TSGA10: variants seen among roughly 807,000 people sequenced by gnomAD.
The protein encoded by TSGA10 is testis specific 10, also known as testis-specific gene 10 protein.
TSGA10 carries 43 observed loss-of-function variants against 96.6 expected under a neutral mutation model. That is an observed-to-expected ratio of 0.44 (90% confidence interval 0.35 to 0.57). The LOEUF (loss-of-function observed/expected upper bound fraction) is 0.57. Among genes scored for constraint, TSGA10 ranks in the 20% least tolerant of loss-of-function variants. TSGA10 has a pLI of 0.01. For missense variants in TSGA10, 703 were observed against 834.4 expected, an observed-to-expected ratio of 0.84 and a Z score of 1.94; for synonymous variants, 229 against 269.9, an observed-to-expected ratio of 0.85 and a Z score of 1.48.
At chr2:99,067,936 T>C (rs982867126) in intron 15 of TSGA10, among the ~76,000 whole-genome samples, 3 of 152,202 alleles carry the variant, frequency 2.0e-5, no homozygotes, top group Admixed American at 2.0e-4. Flanking sequence ...CTAGGTGTTT[T>C]AAATTATCTC....
chr2:99,005,874 G>T (rs1322504693), intron 20 of TSGA10, among the ~76,000 whole-genome samples: 2 of 152,078 alleles, frequency 1.3e-5, no homozygotes, highest in African/African-American at 4.8e-5. Flanking sequence ...GAGGCATCAC[G>T]TTACCTGACT....
intron 10 of TSGA10, among the ~76,000 whole-genome samples, chr2:99,094,082 C>A (rs530454430): frequency 2.6e-5 from 4 of 152,188 alleles, no homozygotes; most frequent in Non-Finnish European, 5.9e-5. Flanking sequence ...AGAATAAGAA[C>A]GCAGAAATAA....
chr2:99,152,317 C>T (rs989176166), intron 1 of TSGA10, among the ~76,000 whole-genome samples: 4 of 152,150 alleles, frequency 2.6e-5, no homozygotes, highest in African/African-American at 4.8e-5. Flanking sequence ...AAGATGGTCT[C>T]ACTCTGTTGC....
intron 16 of TSGA10, among the ~76,000 whole-genome samples, chr2:99,055,932 G>A (rs1371526857): frequency 1.3e-5 from 2 of 151,664 alleles, no homozygotes; most frequent in East Asian, 1.9e-4. Flanking sequence ...GGCCAGGCGC[G>A]GTGGCTCACG....
chr2:99,017,757 T>C (rs1038291725), intron 20 of TSGA10, among the ~76,000 whole-genome samples: 2 of 137,844 alleles, frequency 1.5e-5, no homozygotes, highest in South Asian at 2.3e-4. Flanking sequence ...AGAGAGAGAC[T>C]CCGTCTCAAA....
chr2:99,024,325 T>A (rs2080340015), intron 17 of TSGA10, among the ~76,000 whole-genome samples: 1 of 152,050 alleles, frequency 6.6e-6, no homozygotes, highest in Non-Finnish European at 1.5e-5. Flanking sequence ...CCTGACCTCA[T>A]GATCTGCCCA....
chr2:98,998,281 A>C, intron 20 of TSGA10, 60 bp from the exon 21 acceptor site: 2 of 1,418,872 alleles, frequency 1.4e-6, no homozygotes, highest in East Asian at 4.6e-5. Flanking sequence ...AACATGTGTA[A>C]CAAATTTATT....
At chr2:99,111,197 A>T (rs1287991467) in intron 4 of TSGA10, among the ~76,000 whole-genome samples, 3 of 152,142 alleles carry the variant, frequency 2.0e-5, no homozygotes, top group Non-Finnish European at 4.4e-5. Context: ...AAATGTTAGT[A>T]CTAATTACAA....
intron 17 of TSGA10, among the ~76,000 whole-genome samples, chr2:99,024,884 C>G (rs1202108015): frequency 6.6e-6 from 1 of 152,152 alleles, no homozygotes; most frequent in African/African-American, 2.4e-5. Context: ...TTTTCTGCAT[C>G]CATTGAGAAG....
chr2:99,125,205 C>G, intron 2 of TSGA10: 1 of 152,142 alleles, frequency 6.6e-6, no homozygotes, highest in East Asian at 1.9e-4. Context: ...CTACGTAGCT[C>G]ATTTTTAAAA....
At chr2:99,038,382 T>C (rs1266758962) in intron 16 of TSGA10, among the ~76,000 whole-genome samples, 2 of 152,116 alleles carry the variant, frequency 1.3e-5, no homozygotes, top group Non-Finnish European at 2.9e-5. Context: ...AAGAATACAC[T>C]AAATAAGTAT....
chr2:99,013,455 C>T (rs1284429326), intron 20 of TSGA10, among the ~76,000 whole-genome samples: 1 of 151,994 alleles, frequency 6.6e-6, no homozygotes, highest in East Asian at 2.0e-4. Flanking sequence ...GCCTCAGCCT[C>T]CCGAGTGGCT....
intron 20 of TSGA10, among the ~76,000 whole-genome samples, chr2:99,005,903 C>T (rs1280577133): frequency 2.0e-5 from 3 of 152,000 alleles, no homozygotes; most frequent in Non-Finnish European, 4.4e-5. Context: ...TACTACAAGG[C>T]TACAGTAACC....
At chr2:99,005,154 G>A (rs975235005) in intron 20 of TSGA10, among the ~76,000 whole-genome samples, 11 of 152,112 alleles carry the variant, frequency 7.2e-5, no homozygotes, top group Non-Finnish European at 1.5e-4. Context: ...AAAATAATAA[G>A]AGCTACTTAT....
chr2:99,091,758 T>C (rs2089377204), intron 10 of TSGA10, among the ~76,000 whole-genome samples: 2 of 151,896 alleles, frequency 1.3e-5, no homozygotes, highest in Admixed American at 1.3e-4. Flanking sequence ...GGTATCACAA[T>C]CTTAAATATA....
In TSGA10 at chr2:99,149,428, T is replaced by C. The variant is rs1402361654; in HGVS notation, c.-621+5265A>G. Among the ~76,000 whole-genome samples the C allele has an allele frequency of 2.0e-5, 3 of 149,044 alleles. No individual in the cohort carries two copies. The East Asian group carries it at 6.1e-4, about 30-fold the overall frequency. On this transcript the variant is annotated intron_variant, in intron 1 of 20. Coordinates refer to ENST00000393483, the MANE Select transcript of TSGA10 (RefSeq NM_025244.4). The stretch of plus-strand genomic sequence containing the variant: ...GGAAACTTCCCAAGGCCTCCCTCCA[T>C]GCTACATGATCATCTTTTTTTTTTT...
At chr2:99,046,019 C>T (rs917294595) in intron 16 of TSGA10, among the ~76,000 whole-genome samples, 2 of 152,084 alleles carry the variant, frequency 1.3e-5, no homozygotes, top group Non-Finnish European at 2.9e-5. Flanking sequence ...ACAAGAAGAG[C>T]CAACTATCCT....
intron 1 of TSGA10, among the ~76,000 whole-genome samples, chr2:99,151,919 C>CG (rs983431965): frequency 4.0e-5 from 6 of 151,836 alleles, no homozygotes; most frequent in African/African-American, 1.2e-4. Flanking sequence ...GCATCTTTTC[C>CG]GGGGGGAAGC....
intron 2 of TSGA10, among the ~76,000 whole-genome samples, chr2:99,122,102 T>C (rs1244574228): frequency 6.6e-6 from 1 of 152,236 alleles, no homozygotes; most frequent in Non-Finnish European, 1.5e-5. Context: ...CTCTAGATTC[T>C]CTGTTCTGTA....
Sources: gnomAD v4.1 joint callset for allele counts (sites outside exome capture counted in the v4.1 genomes callset) on GRCh38, gnomAD v4.1.1 for gene constraint, MANE v1.5 for transcripts, NCBI Gene and HGNC (gene_info 2026-07-23, HGNC 2026-07-21) for gene names.